The following DDIAS variants were observed in gnomAD, a reference collection of about 807,000 sequenced individuals.
The protein encoded by DDIAS is DNA damage-induced apoptosis suppressor protein.
DDIAS carries 14 observed loss-of-function variants against 15.7 expected under a neutral mutation model. The ratio of observed to expected loss-of-function variants is 0.89; its 90% confidence interval spans 0.59 to 1.39. The LOEUF (loss-of-function observed/expected upper bound fraction) is 1.39. Ranked by LOEUF, DDIAS falls within the 40% of genes most tolerant of loss-of-function variation. The pLI is 0.00. For synonymous variants in DDIAS, 355 were observed against 395.9 expected (o/e 0.90, Z 1.23); for missense variants, 1,035 against 1,130.9 (o/e 0.92, Z 1.22).
Position 82,933,671 on chromosome 11 carries a change from C to T in DDIAS, c.2333C>T (p.Ser778Leu). 6.2e-7 allele frequency: 1 copy of T among 1,614,078 alleles called. No individual in the cohort carries two copies. The highest frequency in any genetic ancestry group is 1.1e-5 in the South Asian group (1 of 91,068). Residue 778 changes from serine to leucine, a missense_variant, in exon 6 of 6, where the codon TCA (serine) becomes TTA (leucine). Transcript: ENST00000533655. ...CCATGTTCACAGTCAACTCCAATTT[C>T]AGGGTTCCACCAAACAAGAATTCAT... Reference protein sequence around the residue: ...FVPCSQSTPISGFHQTRIHGI... With the variant: ...FVPCSQSTPILGFHQTRIHGI...
At chr11:82,929,101 A>C (rs866505274) in intron 4 of DDIAS, among the ~76,000 whole-genome samples, 163 bp downstream of exon 4, 3 of 152,240 alleles carry the variant, frequency 2.0e-5, no homozygotes, top group African/African-American at 7.2e-5. Flanking sequence ...TCCTGAATAC[A>C]TATTATGATG....
chr11:82,923,573 TTGAA>T (rs1405713743), intron 3 of DDIAS, among the ~76,000 whole-genome samples: 2 of 152,202 alleles, frequency 1.3e-5, no homozygotes, highest in African/African-American at 4.8e-5. Context: ...GATCAGTAGA[TTGAA>T]TGTAGTTTTC....
At chr11:82,930,316 T>C in intron 5 of DDIAS, 42 bp downstream of exon 5, 2 of 1,333,010 alleles carry the variant, frequency 1.5e-6, no homozygotes, top group Non-Finnish European at 2.1e-6. Flanking sequence ...TGTTAACATT[T>C]CCATTGTAAT....
intron 3 of DDIAS, among the ~76,000 whole-genome samples, chr11:82,916,725 G>A (rs1385637802): frequency 6.6e-6 from 1 of 152,150 alleles, no homozygotes; most frequent in East Asian, 1.9e-4. Flanking sequence ...TAGGAACTTT[G>A]TGGGCATTAT....
At chr11:82,913,724 T>G (rs1197189215) in intron 2 of DDIAS, 1 of 444,604 alleles carries the variant, frequency 2.2e-6, no homozygotes, top group Admixed American at 2.6e-5. Flanking sequence ...TTTCCACCAA[T>G]TTAGGTTCTT....
chr11:82,913,233 G>A (rs941853740), intron 1 of DDIAS, 54 bp from the exon 2 acceptor site: 10 of 152,348 alleles, frequency 6.6e-5, no homozygotes, highest in Admixed American at 5.2e-4. Context: ...AATAAAATGA[G>A]GTGTGTCTGT....
In DDIAS at chr11:82,934,373, G is replaced by T; in HGVS notation, c.*38G>T. The T allele has an allele frequency of 6.6e-7, 1 of 1,515,484 alleles. No homozygotes were observed. The highest frequency in any genetic ancestry group is 8.9e-7 in the Non-Finnish European group (1 of 1,129,778). 93.9% of individuals were successfully genotyped at this position (1,515,484 alleles called of 1,614,324 possible). ...ACCCAATTCCTGAACTTTTAAATCT[G>T]TTTGGAAATGTTTGCCTTCAGGGGT... is the stretch of plus-strand genomic sequence containing the variant. On this transcript the variant is annotated 3_prime_UTR_variant, in exon 6 of 6. Coordinates refer to ENST00000533655, the MANE Select transcript of DDIAS (RefSeq NM_145018.4).
intron 3 of DDIAS, among the ~76,000 whole-genome samples, chr11:82,918,533 T>C (rs552384710): frequency 6.6e-6 from 1 of 152,344 alleles, no homozygotes; most frequent in African/African-American, 2.4e-5. Context: ...GTTTGTTCTT[T>C]TTGCTTAGTC....
At chr11:82,913,800 G>A in intron 2 of DDIAS, 1 of 394,532 alleles carries the variant, frequency 2.5e-6, no homozygotes, top group South Asian at 1.8e-5. Flanking sequence ...GGGTCCAGAA[G>A]TCTTGTGAAT....
At chr11:82,912,788 T>G (rs1860552499) in intron 1 of DDIAS, among the ~76,000 whole-genome samples, 1 of 152,220 alleles carries the variant, frequency 6.6e-6, no homozygotes, top group Non-Finnish European at 1.5e-5. Flanking sequence ...CTAACCTTAA[T>G]TTTTGTTTCT....
At chr11:82,930,448 T>G (rs1264637228) in intron 5 of DDIAS, among the ~76,000 whole-genome samples, 174 bp downstream of exon 5, 1 of 152,218 alleles carries the variant, frequency 6.6e-6, no homozygotes, top group East Asian at 1.9e-4. Flanking sequence ...GTGTGACAAC[T>G]TCCTCTTTCG....
At position 82,928,813 on chromosome 11, in the gene DDIAS, T is replaced by A; in HGVS notation, c.150T>A (p.Ser50=). 6.2e-7 allele frequency: 1 copy of A among 1,613,568 alleles called. No homozygotes were observed. The highest frequency in any genetic ancestry group is 8.5e-7 in the Non-Finnish European group (1 of 1,179,840). The change falls in exon 4 of 6, where the codon TCT becomes TCA. Residue 50 remains serine, a synonymous_variant. Transcript: ENST00000533655. ...CAAAATGTGGCTCTACTGGTGAATC[T>A]GGAAATGCCAATTACAGATACAAAC... is the stretch of plus-strand genomic sequence containing the variant. ...NCPKCGSTGE[S]GNANYRYKLS...
rs1861081017 is a variant in DDIAS, at chr11:82,934,579, A to G, written c.*244A>G. On this transcript the variant is annotated 3_prime_UTR_variant, in exon 6 of 6. Coordinates refer to ENST00000533655, the MANE Select transcript of DDIAS (RefSeq NM_145018.4). The stretch of plus-strand genomic sequence containing the variant: ...ATACTGTTTATTGTACTTTAATAAT[A>G]TTGTTAAGATTGTTTTTGAAAGTAT... 2.8e-6 allele frequency: 1 copy of G among 356,130 alleles called. No homozygotes were observed. The highest frequency in any genetic ancestry group is 5.0e-6 in the Non-Finnish European group (1 of 201,480). The allele number at this position is 356,130 out of a possible 1,614,324, so 22.1% of individuals were successfully genotyped here.
At chr11:82,904,186 C>A (rs1011618808) in intron 1 of DDIAS, among the ~76,000 whole-genome samples, 12 of 152,188 alleles carry the variant, frequency 7.9e-5, no homozygotes, top group African/African-American at 2.7e-4. Context: ...ACATCTTATA[C>A]TTTTATGTTC....
intron 3 of DDIAS, among the ~76,000 whole-genome samples, chr11:82,927,381 T>C (rs1381212671): frequency 2.0e-5 from 3 of 150,242 alleles, no homozygotes; most frequent in East Asian, 1.9e-4. Context: ...TGGGTTGGTA[T>C]AGATCTATCC....
chr11:82,917,072 A>G (rs909115962), intron 3 of DDIAS, among the ~76,000 whole-genome samples: 1 of 152,240 alleles, frequency 6.6e-6, no homozygotes, highest in Non-Finnish European at 1.5e-5. Context: ...AACATAGTCC[A>G]TGGAAATATA....
intron 1 of DDIAS, among the ~76,000 whole-genome samples, chr11:82,905,668 T>C (rs1387753373): frequency 2.0e-5 from 3 of 152,144 alleles, no homozygotes; most frequent in Non-Finnish European, 4.4e-5. Flanking sequence ...AAATTTTTTG[T>C]GTGATTATTT....
chr11:82,922,345 AT>A (rs1405688507), intron 3 of DDIAS, among the ~76,000 whole-genome samples: 1 of 152,164 alleles, frequency 6.6e-6, no homozygotes, highest in Non-Finnish European at 1.5e-5. Context: ...AGGAACACCG[AT>A]TATTCTTAGG....
Position 82,933,470 on chromosome 11 carries a change from G to C in DDIAS, c.2132G>C (p.Ser711Thr). Residue 711 changes from serine to threonine, a missense_variant, in exon 6 of 6, where the codon AGT becomes ACT. Transcript: ENST00000533655. ...AAATGGGGAACATCTTTGGCAGAAAGTCACCCTTCAGAGTCTGATTTTTCA... is the reference window on the plus strand; with the variant it reads ...AAATGGGGAACATCTTTGGCAGAAACTCACCCTTCAGAGTCTGATTTTTCA... ...LLKWGTSLAE[S>T]HPSESDFSLR... 1 of 1,613,886 alleles carries C rather than the reference G, an allele frequency of 6.2e-7. No homozygotes were observed. The highest frequency in any genetic ancestry group is 8.5e-7 in the Non-Finnish European group (1 of 1,179,962).
Sources: gnomAD v4.1 joint callset for allele counts (sites outside exome capture counted in the v4.1 genomes callset) on GRCh38, gnomAD v4.1.1 for gene constraint, MANE v1.5 for transcripts, NCBI Gene and HGNC (gene_info 2026-07-23, HGNC 2026-07-21) for gene names.